Variants in CRYBG3 observed in about 807,000 individuals in gnomAD.
CRYBG3 encodes the protein crystallin beta-gamma domain containing 3, also known as very large A-kinase anchor protein.
Under a neutral mutation model 244.2 loss-of-function variants are expected in CRYBG3, and 127 were observed. The ratio of observed to expected loss-of-function variants is 0.52; its 90% CI spans 0.45 to 0.60. The LOEUF is 0.60. Ranked by LOEUF, CRYBG3 falls within the 20% of genes least tolerant of loss-of-function variation. CRYBG3 has a pLI of 0.00. For synonymous variants in CRYBG3, 1,132 were observed against 1,195.8 expected (o/e 0.95, Z 1.10); for missense variants, 3,325 against 3,442.5 (o/e 0.97, Z 0.85).
At chr3:97,837,397 T>TGA (rs1158795983) in intron 1 of CRYBG3, among the ~76,000 whole-genome samples, 2 of 152,110 alleles carry the variant, frequency 1.3e-5, no homozygotes, top group African/African-American at 4.8e-5. Context: ...ACCAGGCTTC[T>TGA]GGAACCAGCA....
At chr3:97,832,908 A>G (rs2038674263) in intron 1 of CRYBG3, among the ~76,000 whole-genome samples, 1 of 152,254 alleles carries the variant, frequency 6.6e-6, no homozygotes, top group African/African-American at 2.4e-5. Flanking sequence ...CACAAAGGAT[A>G]TGAAGAGACA....
Position 97,843,065 on chromosome 3 carries a change from G to A in CRYBG3, c.150-130G>A, listed in dbSNP as rs150146117. 425 of 576,864 alleles carry A rather than the reference G, an allele frequency of 7.4e-4. 1 individual carries two copies. Among genetic ancestry groups the A allele is most frequent in the African/African-American group, 7.0e-3 (378 of 53,722 alleles). 35.7% of individuals were successfully genotyped at this position (576,864 alleles called of 1,614,324 possible). ...AGAGATTCAAATCAATATATCCTTG[G>A]TATAACATGGTGTATCAATCTTTGA... On this transcript the variant is annotated intron_variant, in intron 1 of 21. Coordinates refer to ENST00000389622, the MANE Select transcript of CRYBG3 (RefSeq NM_153605.4).
intron 17 of CRYBG3, among the ~76,000 whole-genome samples, chr3:97,923,958 A>G (rs1351401644): frequency 3.3e-5 from 5 of 152,100 alleles, no homozygotes; most frequent in African/African-American, 1.2e-4. Flanking sequence ...AGCTTATCCT[A>G]TGATTAATTT....
intron 16 of CRYBG3, among the ~76,000 whole-genome samples, chr3:97,913,847 C>T (rs2039899554): frequency 6.6e-6 from 1 of 152,176 alleles, no homozygotes; most frequent in South Asian, 2.1e-4. Context: ...GATTTTACGA[C>T]TTGGAGAAAG....
intron 17 of CRYBG3, among the ~76,000 whole-genome samples, chr3:97,929,125 C>T (rs1302922797): frequency 1.3e-5 from 2 of 151,858 alleles, no homozygotes; most frequent in Non-Finnish European, 2.9e-5. Flanking sequence ...AAACTGTATC[C>T]TCTTTGCATG....
In CRYBG3 at chr3:97,904,652, G is replaced by A. The variant is rs547329575; in HGVS notation, c.8004+4167G>A. ...AGACAACCTGTCTCTCTTCTCATGC[G>A]GCTTTTCTTTTATTTTTATTTTTTT... On this transcript the variant is annotated intron_variant, in intron 15 of 21. Transcript: ENST00000389622. Among the ~76,000 whole-genome samples the A allele has an allele frequency of 2.3e-3, 341 of 150,768 alleles. 3 individuals carry two copies. Among genetic ancestry groups the A allele is most frequent in the African/African-American group, 7.8e-3 (320 of 41,208 alleles).
chr3:97,836,908 T>A (rs1297361257), intron 1 of CRYBG3: 2 of 152,192 alleles, frequency 1.3e-5, no homozygotes, highest in Non-Finnish European at 2.9e-5. Flanking sequence ...AAGGTTGGTC[T>A]ACCTGTTTTT....
intron 11 of CRYBG3, 72 bp downstream of exon 11, chr3:97,893,065 A>G: frequency 1.5e-6 from 2 of 1,325,972 alleles, no homozygotes; most frequent in Non-Finnish European, 2.1e-6. Context: ...GTGCTAAGCA[A>G]AGCAAAAATG....
intron 15 of CRYBG3, among the ~76,000 whole-genome samples, chr3:97,903,229 T>C (rs1442716412): frequency 6.6e-6 from 1 of 152,200 alleles, no homozygotes; most frequent in Non-Finnish European, 1.5e-5. Flanking sequence ...TAATAATTGT[T>C]GCTACTGTTT....
At chr3:97,850,520 G>T (rs1334905850) in intron 2 of CRYBG3, among the ~76,000 whole-genome samples, 2 of 152,142 alleles carry the variant, frequency 1.3e-5, no homozygotes, top group East Asian at 3.9e-4. Flanking sequence ...TTACATCCTA[G>T]AACTGATCAT....
chr3:97,881,922 G>C (rs898409406), intron 7 of CRYBG3, among the ~76,000 whole-genome samples: 28 of 151,304 alleles, frequency 1.9e-4, no homozygotes, highest in African/African-American at 6.3e-4. Flanking sequence ...TAATAGTATA[G>C]TATTGGCTGG....
chr3:97,851,430 A>G (rs1469869293), intron 2 of CRYBG3, among the ~76,000 whole-genome samples: 1 of 152,198 alleles, frequency 6.6e-6, no homozygotes, highest in East Asian at 1.9e-4. Context: ...GTTTACCTAC[A>G]CCCTGTGGTG....
In CRYBG3 at chr3:97,873,605, C is replaced by T. The variant is rs565242325; in HGVS notation, c.2411C>T (p.Ser804Phe). 7.8e-5 allele frequency: 120 copies of T among 1,534,338 alleles called. No individual in the cohort carries two copies. In the South Asian group the frequency reaches 1.4e-3, roughly 17 times the overall value. The change falls in exon 4 of 22, where the codon TCC becomes TTC. Residue 804 changes from serine to phenylalanine, a missense_variant. Physicochemically the swap from Ser to Phe is radical, Grantham distance 155. Around this residue, in one of 4 missense-constraint regions of CRYBG3, gnomAD observed 1,526 missense variants for 1,443.2 expected, o/e 1.06. Coordinates refer to ENST00000389622, the MANE Select transcript of CRYBG3 (RefSeq NM_153605.4). ...ATAATAGAGAAGTCTGATTCTCTTT[C>T]CTTGGAAGCCAAAACTGCTAACATT... ...MSIIEKSDSL[S>F]LEAKTANIVS...
intron 1 of CRYBG3, among the ~76,000 whole-genome samples, chr3:97,832,418 A>G (rs897431961): frequency 1.3e-5 from 2 of 152,112 alleles, no homozygotes; most frequent in Non-Finnish European, 2.9e-5. Context: ...AATGCCACAC[A>G]TCTACAACCA....
intron 10 of CRYBG3, among the ~76,000 whole-genome samples, chr3:97,892,097 C>G (rs1347623576): frequency 2.0e-5 from 3 of 152,130 alleles, no homozygotes; most frequent in Non-Finnish European, 2.9e-5. Context: ...TGTTTCATCT[C>G]CTGTTATAAT....
Position 97,942,306 on chromosome 3 carries a change from TG to T in CRYBG3, c.8688del (p.Ile2897LeufsTer11), listed in dbSNP as rs2040248952. The T allele has an allele frequency of 1.2e-6, 2 of 1,610,560 alleles. No homozygotes were observed. On this transcript the variant is annotated frameshift_variant, in exon 21 of 22. Transcript: ENST00000389622. LOFTEE classifies it high-confidence loss of function. ...KSKASDTCLD[V>X]IGGRDTPGAK... is the part of the protein sequence containing the mutation. ...TAGGCCAGTGATACATGTCTTGATG[TG>T]ATTGGTGGCCGGGACACACCTGGAG...
In CRYBG3 at chr3:97,872,134, G is replaced by A; in HGVS notation, c.940G>A (p.Glu314Lys). 1 of 1,535,968 alleles carries A rather than the reference G, an allele frequency of 6.5e-7. No individual in the cohort carries two copies. ...TTGTAGCAAAACAAGTTTCAACAAG[G>A]AAAATTCTTTGACAAATAACCCAGA... is the stretch of plus-strand genomic sequence containing the variant. ...SDCSKTSFNKENSLTNNPELQ... is the reference protein window; with the variant it reads ...SDCSKTSFNKKNSLTNNPELQ... Residue 314 changes from glutamate to lysine, a missense_variant, in exon 4 of 22, where the codon GAA becomes AAA. Glu to Lys is a moderately conservative substitution (Grantham distance 56, BLOSUM62 1). Around this residue, in one of 4 missense-constraint regions of CRYBG3, gnomAD observed 1,526 missense variants for 1,443.2 expected, o/e 1.06. Coordinates refer to ENST00000389622, the MANE Select transcript of CRYBG3 (RefSeq NM_153605.4).
intron 19 of CRYBG3, among the ~76,000 whole-genome samples, chr3:97,938,796 T>TCA (rs2040191864): frequency 6.6e-6 from 1 of 151,704 alleles, no homozygotes; most frequent in Admixed American, 6.6e-5. Flanking sequence ...TTGAAAATTT[T>TCA]TTATTATTAT....
At chr3:97,823,948 A>G (rs1478917302) in intron 1 of CRYBG3, among the ~76,000 whole-genome samples, 1 of 152,116 alleles carries the variant, frequency 6.6e-6, no homozygotes, top group Admixed American at 6.5e-5. Flanking sequence ...TTGTTCACCT[A>G]CCACTTCTCT....
Sources: allele counts gnomAD v4.1 joint callset (sites outside exome capture counted in the v4.1 genomes callset), GRCh38; gene constraint gnomAD v4.1.1; regional missense constraint gnomAD v4.1.1; transcripts MANE v1.5; gene names NCBI Gene and HGNC (gene_info 2026-07-23, HGNC 2026-07-21).